The following TTC21A variants were observed in gnomAD, a reference collection of about 807,000 sequenced individuals.
TTC21A encodes tetratricopeptide repeat protein 21A.
TTC21A carries 128 observed loss-of-function variants against 156.4 expected under a neutral mutation model. The ratio of observed to expected loss-of-function variants is 0.82; its 90% CI spans 0.71 to 0.95. The LOEUF (loss-of-function observed/expected upper bound fraction) is 0.95. TTC21A is among the 40% of genes least tolerant of loss of function. The probability of loss-of-function intolerance (pLI) is 0.00; values close to 1 mark genes in which losing one functional copy is unlikely to be tolerated. For synonymous variants in TTC21A, 587 were observed against 617.1 expected, an observed-to-expected ratio of 0.95 and a Z score of 0.72; for missense variants, 1,435 against 1,602.3, an observed-to-expected ratio of 0.90 and a Z score of 1.78.
chr3:39,108,742 T>C (rs1256495215), intron 1 of TTC21A, among the ~76,000 whole-genome samples: 1 of 152,252 alleles, frequency 6.6e-6, no homozygotes, highest in East Asian at 1.9e-4. Context: ...CAATAACTTG[T>C]AACTACAATT....
In TTC21A at chr3:39,129,310, G is replaced by A. The variant is rs9861353; in HGVS notation, c.2135G>A (p.Arg712His). The stretch of plus-strand genomic sequence containing the variant: ...AGGCGCCTCTACATCAGATGCTACC[G>A]GTAAGCCCCACAGGCAGCACAATGA... Reference protein sequence around the residue: ...RDRRLYIRCYRELCEHLPGPH... With the variant: ...RDRRLYIRCYHELCEHLPGPH... The change falls in exon 15 of 29, where the codon CGT becomes CAT. Residue 712 changes from arginine (R) to histidine (H), a missense_variant and splice_region_variant. Physicochemically the swap from Arg to His is conservative, Grantham distance 29 (BLOSUM62 0). Transcript: ENST00000683103. The A allele has an allele frequency of 4.3e-4, 690 of 1,608,372 alleles. 1 individual carries two copies. In the African/African-American group the frequency reaches 7.7e-3, roughly 18 times the overall value.
intron 22 of TTC21A, chr3:39,136,107 T>C: frequency 3.2e-6 from 1 of 310,444 alleles, no homozygotes; most frequent in Non-Finnish European, 5.9e-6. Flanking sequence ...AGTTAATATA[T>C]AGGTAAAGCA....
chr3:39,116,482 C>T (rs2037296336), intron 6 of TTC21A, among the ~76,000 whole-genome samples: 1 of 151,008 alleles, frequency 6.6e-6, no homozygotes, highest in South Asian at 2.1e-4. Context: ...TTCTGCCCCC[C>T]CCTTTTTTTG....
rs1332337740 is a variant in TTC21A, at chr3:39,134,922, A to G, written c.2863-171A>G. The G allele has an allele frequency of 4.8e-6, 3 of 622,670 alleles. No homozygotes were observed. The highest frequency in any genetic ancestry group is 2.8e-5 in the Admixed American group (1 of 36,194). The allele number at this position is 622,670 out of a possible 1,614,324, so 38.6% of individuals were successfully genotyped here. A position where few individuals can be genotyped will look rare whatever the true frequency, so the allele number is the denominator to read the frequency against. ...CACCTTCTGGGTGGGGGCCTGAGAA[A>G]CCCTCAGGCTTCTCCTGTGGCAGCT... is the stretch of plus-strand genomic sequence containing the variant. On this transcript the variant is annotated intron_variant, in intron 21 of 28. Coordinates refer to ENST00000683103, the MANE Select transcript of TTC21A (RefSeq NM_001366900.1). The surrounding 1 kb of genome is among the most constrained non-coding windows in gnomAD (Gnocchi z 4.6).
rs1199966569 is a variant in TTC21A, at chr3:39,131,007, C to T, written c.2474C>T (p.Ser825Phe). ...LEHDIVQDIP[S>F]MMNDVKCLLL... ...CATTTAACAGTCCAAGACATCCCAT[C>T]CATGATGAATGATGTTAAGTGCCTG... Residue 825 changes from serine (S) to phenylalanine (F), a missense_variant, in exon 19 of 29, where the codon TCC becomes TTC. Ser to Phe is a radical substitution (Grantham distance 155, BLOSUM62 -2). Transcript: ENST00000683103. The T allele has an allele frequency of 6.2e-7, 1 of 1,613,722 alleles. No homozygotes were observed. Among genetic ancestry groups the T allele is most frequent in the Admixed American group, 1.7e-5 (1 of 59,956 alleles).
intron 11 of TTC21A, among the ~76,000 whole-genome samples, chr3:39,125,751 C>T (rs1361424200): frequency 6.6e-6 from 1 of 152,196 alleles, no homozygotes; most frequent in African/African-American, 2.4e-5. Context: ...ACAGGGGGGT[C>T]TAAAACCCTG....
intron 12 of TTC21A, 44 bp from the exon 13 acceptor site, chr3:39,128,287 G>T (rs758371117): frequency 1.3e-6 from 2 of 1,598,728 alleles, no homozygotes; most frequent in South Asian, 1.1e-5. Context: ...GGTCTTAGGA[G>T]CCCTTGGGAA....
rs781027148 is a variant in TTC21A at position 39,125,544 on chromosome 3, G to T, written c.1392+12G>T. 18 of 1,594,454 alleles carry T rather than the reference G, an allele frequency of 1.1e-5. No individual in the cohort carries two copies. Among genetic ancestry groups the T allele is most frequent in the Non-Finnish European group, 1.5e-5 (18 of 1,162,264 alleles). On this transcript the variant is annotated intron_variant, in intron 11 of 28. Transcript: ENST00000683103. ...TCTGCCCCAAGCAGGTTAGGGGAAG[G>T]CCTGTCTTCATGGTGGGGGTCTGGA...
chr3:39,133,004 G>C, intron 19 of TTC21A, 48 bp from the exon 20 acceptor site: 1 of 1,589,824 alleles, frequency 6.3e-7, no homozygotes, highest in Non-Finnish European at 8.6e-7. Flanking sequence ...CTGTGAACTG[G>C]TATGTCAGGC....
rs768234136 is a variant in TTC21A, at chr3:39,114,706, G to A, written c.680G>A (p.Arg227Gln). The A allele has an allele frequency of 2.5e-5, 41 of 1,614,104 alleles. 1 individual carries two copies. The South Asian group carries it at 3.3e-4, about 13-fold the overall frequency. Reference sequence around the variant, plus strand: ...CTGAAGATGCAGCTGTTCTTAGCTCGGCAGGACTGGGAGCAGACAGTAGAA... The same window carrying A: ...CTGAAGATGCAGCTGTTCTTAGCTCAGCAGGACTGGGAGCAGACAGTAGAA... Reference protein sequence around the residue: ...LVLKMQLFLARQDWEQTVEMG... With the variant: ...LVLKMQLFLAQQDWEQTVEMG... The change falls in exon 6 of 29, where the codon CGG becomes CAG. Residue 227 changes from arginine to glutamine, a missense_variant. Coordinates refer to ENST00000683103, the MANE Select transcript of TTC21A (RefSeq NM_001366900.1).
chr3:39,130,344 C>T lies in TTC21A; in HGVS notation c.2305C>T (p.His769Tyr), dbSNP rs746258318. The T allele has an allele frequency of 6.2e-7, 1 of 1,612,794 alleles. No individual in the cohort carries two copies. Among genetic ancestry groups the T allele is most frequent in the Non-Finnish European group, 8.5e-7 (1 of 1,179,348 alleles). ...AATTGGGCACGCTTATGTGAAGGCC[C>T]ACCAGTATACTGAGGTCAGGCTGGG... The part of the protein sequence containing the change: ...SRIGHAYVKA[H>Y]QYTEAIEYYE... Residue 769 changes from histidine to tyrosine, a missense_variant, in exon 17 of 29, where the codon CAC (histidine) becomes TAC (tyrosine). By Grantham distance (83) the His-to-Tyr change is moderately conservative. Coordinates refer to ENST00000683103, the MANE Select transcript of TTC21A (RefSeq NM_001366900.1). This position sits in a 1 kb window ranked among gnomAD's most constrained non-coding sequence, Gnocchi z 4.5.
chr3:39,134,397 C>T lies in TTC21A; in HGVS notation c.2862+69C>T. ...TTCCCAGGGTCCCTGTGACCAGATG[C>T]AGGCTACTTCCTAGCCCCGTAACCT... is the stretch of plus-strand genomic sequence containing the variant. On this transcript the variant is annotated intron_variant, in intron 21 of 28. Coordinates refer to ENST00000683103, the MANE Select transcript of TTC21A (RefSeq NM_001366900.1). The surrounding 1 kb of genome is among the most constrained non-coding windows in gnomAD (Gnocchi z 4.6). 3 of 1,097,770 alleles carry T rather than the reference C, an allele frequency of 2.7e-6. No homozygotes were observed. The highest frequency in any genetic ancestry group is 2.4e-5 in the East Asian group (1 of 42,500). The allele number at this position is 1,097,770 out of a possible 1,614,324, so 68.0% of individuals were successfully genotyped here.
In TTC21A at chr3:39,128,356, C is replaced by G. The variant is rs1388832976; in HGVS notation, c.1548C>G (p.Ile516Met). The change falls in exon 13 of 29, where the codon ATC becomes ATG. Residue 516 changes from isoleucine to methionine, a missense_variant. Coordinates refer to ENST00000683103, the MANE Select transcript of TTC21A (RefSeq NM_001366900.1). Reference protein sequence around the residue: ...YSGELENAQSILQRCLELDPA... With the variant: ...YSGELENAQSMLQRCLELDPA... Reference sequence around the variant, plus strand: ...GAGAGCTAGAGAATGCCCAGAGCATCCTGCAGCGTTGCCTGGAGCTGGACC... The same window carrying G: ...GAGAGCTAGAGAATGCCCAGAGCATGCTGCAGCGTTGCCTGGAGCTGGACC... 6.2e-7 allele frequency: 1 copy of G among 1,614,200 alleles called. No individual in the cohort carries two copies. The highest frequency in any genetic ancestry group is 1.1e-5 in the South Asian group (1 of 91,086).
intron 23 of TTC21A, 68 bp from the exon 24 acceptor site, chr3:39,136,831 C>T: frequency 4.5e-6 from 7 of 1,567,464 alleles, no homozygotes; most frequent in Non-Finnish European, 5.2e-6. Context: ...CAAAGTGGTC[C>T]TTGTATATCC....
chr3:39,137,438 A>G lies in TTC21A; in HGVS notation c.3451-48A>G, dbSNP rs769772151. On this transcript the variant is annotated intron_variant, in intron 25 of 28. Coordinates refer to ENST00000683103, the MANE Select transcript of TTC21A (RefSeq NM_001366900.1). ...ATGGGCAGGTGGCAGGGCCGAGAAG[A>G]CCAGGCGGCCAACACGTGCTGACGT... 3 of 1,611,624 alleles carry G rather than the reference A, an allele frequency of 1.9e-6. No homozygotes were observed. In the East Asian group the frequency reaches 6.7e-5, roughly 36 times the overall value.
At chr3:39,113,914 G>A (rs981245444) in intron 5 of TTC21A, among the ~76,000 whole-genome samples, 1 of 152,176 alleles carries the variant, frequency 6.6e-6, no homozygotes, top group African/African-American at 2.4e-5. Flanking sequence ...TTTTAATGAC[G>A]AGTCTCTTAA....
chr3:39,133,673 C>G (rs985521998), intron 20 of TTC21A, among the ~76,000 whole-genome samples: 3 of 152,144 alleles, frequency 2.0e-5, no homozygotes, highest in African/African-American at 4.8e-5. Flanking sequence ...TTGGAGTTCA[C>G]GCTAACACAG....
rs934245297 is a variant in TTC21A, at chr3:39,111,076, C to T, written c.435+59C>T. ...AAAGCAGCATCCAAACACATAATAG[C>T]AGGGTGGCCCTCATTCCCACAAAGG... is the stretch of plus-strand genomic sequence containing the variant. On this transcript the variant is annotated intron_variant, in intron 4 of 28. Transcript: ENST00000683103. 4.6e-6 allele frequency: 7 copies of T among 1,527,692 alleles called. No individual in the cohort carries two copies. The African/African-American group carries it at 8.3e-5, about 18-fold the overall frequency. 94.6% of individuals were successfully genotyped at this position (1,527,692 alleles called of 1,614,324 possible).
At chr3:39,113,066 C>A (rs1328049035) in intron 5 of TTC21A, among the ~76,000 whole-genome samples, 1 of 151,960 alleles carries the variant, frequency 6.6e-6, no homozygotes, top group African/African-American at 2.4e-5. Flanking sequence ...TGGAATTAAT[C>A]TTTGAGAGAA....
Sources: allele counts gnomAD v4.1 joint callset (sites outside exome capture counted in the v4.1 genomes callset), GRCh38; gene constraint gnomAD v4.1.1; non-coding constraint Gnocchi (gnomAD v3.1); transcripts MANE v1.5; gene names NCBI Gene and HGNC (gene_info 2026-07-23, HGNC 2026-07-21).